DORIP1: variants seen among roughly 807,000 people sequenced by gnomAD.
The protein encoded by DORIP1 is dopamine receptor-interacting protein 1.
At chr14:44,899,561 T>C in the DORIP1 span, among the ~76,000 whole-genome samples, 3 of 150,972 alleles carry the variant, frequency 2.0e-5, no homozygotes, top group African/African-American at 7.4e-5. Flanking sequence ...TTAGTCTATA[T>C]AGCAACAGGA....
the DORIP1 span, chr14:44,900,726 C>T: frequency 3.1e-6 from 5 of 1,614,076 alleles, no homozygotes; most frequent in Non-Finnish European, 4.2e-6. Context: ...ACTTAATGGA[C>T]ACCTACAGTT....
chr14:44,900,100 G>A, the DORIP1 span, among the ~76,000 whole-genome samples: 1 of 152,044 alleles, frequency 6.6e-6, no homozygotes, highest in East Asian at 1.9e-4. Flanking sequence ...AAAGTACTGG[G>A]ATTACAGGTG....
chr14:44,901,662 GTC>G, the DORIP1 span, among the ~76,000 whole-genome samples: 1 of 152,162 alleles, frequency 6.6e-6, no homozygotes, highest in African/African-American at 2.4e-5. Context: ...CTTTGAATAG[GTC>G]TCTGTCAGGA....
chr14:44,902,812 T>G, the DORIP1 span, among the ~76,000 whole-genome samples: 1 of 152,162 alleles, frequency 6.6e-6, no homozygotes, highest in Non-Finnish European at 1.5e-5. Flanking sequence ...AAAAAAGTTT[T>G]TTTTAACGGA....
At chr14:44,901,774 G>A in the DORIP1 span, among the ~76,000 whole-genome samples, 1 of 152,154 alleles carries the variant, frequency 6.6e-6, no homozygotes, top group Non-Finnish European at 1.5e-5. Context: ...TCTCACATGT[G>A]GATGTGGATG....
chr14:44,899,569 GGA>G, the DORIP1 span, among the ~76,000 whole-genome samples: 1 of 149,694 alleles, frequency 6.7e-6, no homozygotes, highest in African/African-American at 2.5e-5. Flanking sequence ...TATAGCAACA[GGA>G]GTTTTTTTTT....
At chr14:44,898,803 C>T in the DORIP1 span, 2 of 152,242 alleles carry the variant, frequency 1.3e-5, no homozygotes, top group African/African-American at 4.8e-5. Flanking sequence ...CAGTATCTTG[C>T]TTCAAACTGA....
chr14:44,901,110 C>T, the DORIP1 span: 2 of 731,394 alleles, frequency 2.7e-6, no homozygotes, highest in Middle Eastern at 3.5e-4. Context: ...TTTAGTATAC[C>T]TTTCTATGTT....
the DORIP1 span, among the ~76,000 whole-genome samples, chr14:44,900,193 TA>T: frequency 6.6e-6 from 1 of 152,178 alleles, no homozygotes; most frequent in East Asian, 1.9e-4. Flanking sequence ...GTAATTAATA[TA>T]AAGCCTATCA....
chr14:44,898,067 GGA>G, the DORIP1 span, among the ~76,000 whole-genome samples: 1 of 152,186 alleles, frequency 6.6e-6, no homozygotes, highest in South Asian at 2.1e-4. Context: ...ATAGAGGTCA[GGA>G]GAGTTTTCCA....
chr14:44,904,090 G>A, the DORIP1 span: 2 of 985,268 alleles, frequency 2.0e-6, no homozygotes, highest in Non-Finnish European at 2.4e-6. Context: ...CCAGCATATA[G>A]AGTGAAATAT....
chr14:44,903,441 A>G, the DORIP1 span: 1 of 1,404,882 alleles, frequency 7.1e-7, no homozygotes. Context: ...GGAGTATATC[A>G]CTACATAGAA....
At chr14:44,900,941 A>G in the DORIP1 span, 21 of 1,583,904 alleles carry the variant, frequency 1.3e-5, no homozygotes, top group Non-Finnish European at 1.6e-5. Context: ...GAGGATCAGC[A>G]GCGCACAATT....
At chr14:44,904,279 A>G in the DORIP1 span, 2 of 1,470,768 alleles carry the variant, frequency 1.4e-6, no homozygotes, top group Non-Finnish European at 1.8e-6. Context: ...ATTAACCATT[A>G]CCTACACCTA....
the DORIP1 span, chr14:44,905,485 TTAAA>T: frequency 6.4e-7 from 1 of 1,565,740 alleles, no homozygotes. Flanking sequence ...TTTAATTTTG[TTAAA>T]TAAACCCCCA....
chr14:44,901,034 C>T, the DORIP1 span: 4 of 1,432,508 alleles, frequency 2.8e-6, no homozygotes, highest in Non-Finnish European at 3.8e-6. Context: ...TAGTCGTGTA[C>T]CCCATAATGA....
the DORIP1 span, chr14:44,904,481 C>T: frequency 2.3e-3 from 3,753 of 1,612,046 alleles, 84 homozygotes; most frequent in African/African-American, 0.046. Context: ...CATTGGAAAT[C>T]TGAAGATCTG....
chr14:44,899,823 A>ATTTTTTTTTTTT, the DORIP1 span, among the ~76,000 whole-genome samples: 8 of 134,444 alleles, frequency 6.0e-5, 1 homozygote, highest in East Asian at 6.0e-4. Context: ...TTCATTTAGG[A>ATTTTTTTTTTTT]ATTTTTTTTT....
the DORIP1 span, chr14:44,905,512 T>C: frequency 6.5e-7 from 1 of 1,540,572 alleles, no homozygotes. Context: ...GTTTCTCCTC[T>C]TGTCATCATT....
Sources: allele counts gnomAD v4.1 joint callset (sites outside exome capture counted in the v4.1 genomes callset), GRCh38; gene constraint gnomAD v4.1.1; transcripts MANE v1.5; gene names NCBI Gene and HGNC (gene_info 2026-07-23, HGNC 2026-07-21).